Variants in ABI3BP observed in about 807,000 individuals in gnomAD.
ABI3BP encodes the protein target of Nesh-SH3.
A neutral mutation model predicts 268.6 loss-of-function variants in ABI3BP; 216 were observed. That is an observed-to-expected ratio of 0.80 (90% CI 0.72 to 0.90). The LOEUF (loss-of-function observed/expected upper bound fraction) is 0.90, where lower values mean the gene tolerates loss of function less well. Among genes scored for constraint, ABI3BP ranks in the 40% least tolerant of loss-of-function variants. The pLI is 0.00. For synonymous variants in ABI3BP, 730 were observed against 730.0 expected, an observed-to-expected ratio of 1.00 and a Z score of 0.00; for missense variants, 2,090 against 2,182.4, an observed-to-expected ratio of 0.96 and a Z score of 0.84.
chr3:100,982,455 A>T (rs916072392), intron 1 of ABI3BP, among the ~76,000 whole-genome samples: 5 of 152,076 alleles, frequency 3.3e-5, no homozygotes, highest in Non-Finnish European at 7.4e-5. Context: ...TAGAGAAAAA[A>T]ACCCTAATGT....
intron 34 of ABI3BP, among the ~76,000 whole-genome samples, chr3:100,826,472 A>G (rs1254817531): frequency 6.6e-6 from 1 of 152,168 alleles, no homozygotes; most frequent in Admixed American, 6.6e-5. Context: ...TGTTTATCTG[A>G]ATATAATATG....
At chr3:100,932,655 C>T (rs2064085070) in intron 1 of ABI3BP, among the ~76,000 whole-genome samples, 1 of 152,122 alleles carries the variant, frequency 6.6e-6, no homozygotes, top group African/African-American at 2.4e-5. Flanking sequence ...GAGACATCAT[C>T]TCACACCATC....
intron 1 of ABI3BP, among the ~76,000 whole-genome samples, chr3:100,966,956 A>G (rs963446028): frequency 6.6e-6 from 1 of 151,928 alleles, no homozygotes; most frequent in Non-Finnish European, 1.5e-5. Flanking sequence ...TTTTTTTCAA[A>G]CTAAAGATGA....
Position 100,862,363 on chromosome 3 carries a change from AATCCATG to A in ABI3BP, c.1226_1232del (p.Pro409LeufsTer149). The A allele has an allele frequency of 6.2e-7, 1 of 1,601,604 alleles. No homozygotes were observed. Among genetic ancestry groups the A allele is most frequent in the Non-Finnish European group, 8.5e-7 (1 of 1,174,706 alleles). On this transcript the variant is annotated frameshift_variant, in exon 14 of 68. Coordinates refer to ENST00000471714, the MANE Select transcript of ABI3BP (RefSeq NM_001375547.2). LOFTEE classifies it high-confidence loss of function. ...CTTCAGATATTTTAGCTGTAGGCAC[AATCCATG>A]GCTTTTCACTTGAAGCTATATTGAA...
At chr3:100,953,305 C>T (rs1459381392) in intron 1 of ABI3BP, among the ~76,000 whole-genome samples, 1 of 152,132 alleles carries the variant, frequency 6.6e-6, no homozygotes, top group East Asian at 1.9e-4. Context: ...TTTCGTCTGC[C>T]CCTGCTGGAC....
At chr3:100,956,321 A>G (rs1463320393) in intron 1 of ABI3BP, among the ~76,000 whole-genome samples, 1 of 151,440 alleles carries the variant, frequency 6.6e-6, no homozygotes, top group Non-Finnish European at 1.5e-5. Flanking sequence ...TGATTCCCCT[A>G]TTATTCTGAG....
At chr3:100,902,368 A>G (rs566913050) in intron 3 of ABI3BP, among the ~76,000 whole-genome samples, 1 of 152,296 alleles carries the variant, frequency 6.6e-6, no homozygotes, top group South Asian at 2.1e-4. Flanking sequence ...AGAATCCAGG[A>G]GTAGAGAGGT....
At chr3:100,814,821 G>A (rs1005814509) in intron 44 of ABI3BP, among the ~76,000 whole-genome samples, 2 of 152,090 alleles carry the variant, frequency 1.3e-5, no homozygotes, top group African/African-American at 2.4e-5. Flanking sequence ...GTATAAGATC[G>A]ATCCTTTGTT....
intron 1 of ABI3BP, among the ~76,000 whole-genome samples, chr3:100,955,998 C>T (rs568776547): frequency 6.6e-6 from 1 of 151,708 alleles, no homozygotes; most frequent in Non-Finnish European, 1.5e-5. Flanking sequence ...GACCAGCCTG[C>T]CCAACATAGT....
chr3:100,842,515 A>G (rs1269465877), intron 20 of ABI3BP, among the ~76,000 whole-genome samples: 1 of 152,182 alleles, frequency 6.6e-6, no homozygotes, highest in Non-Finnish European at 1.5e-5. Flanking sequence ...ATTGTTCAAA[A>G]GCGACCACAA....
rs955221739 is a variant in ABI3BP, at chr3:100,749,432, A to G, written c.*1063T>C. ...GATTGAAGCATGTTGAAAGGTAAGT[A>G]CAGGGAAAGGTCCTTTCAGAATGAC... On this transcript the variant is annotated 3_prime_UTR_variant, in exon 68 of 68. Coordinates refer to ENST00000471714, the MANE Select transcript of ABI3BP (RefSeq NM_001375547.2). The G allele has an allele frequency of 2.6e-6, 1 of 389,040 alleles. No individual in the cohort carries two copies. Among genetic ancestry groups the G allele is most frequent in the African/African-American group, 2.1e-5 (1 of 48,428 alleles). 24.1% of individuals were successfully genotyped at this position (389,040 alleles called of 1,614,324 possible). A position where few individuals can be genotyped will look rare whatever the true frequency, so the allele number is the denominator to read the frequency against.
At chr3:100,811,883 G>T in intron 46 of ABI3BP, 84 bp from the exon 47 acceptor site, 1 of 986,100 alleles carries the variant, frequency 1.0e-6, no homozygotes, top group Non-Finnish European at 1.5e-6. Context: ...TTTAAAAATA[G>T]AATTGAGCTA....
At chr3:100,921,107 A>T (rs1018809798) in intron 2 of ABI3BP, among the ~76,000 whole-genome samples, 3 of 152,116 alleles carry the variant, frequency 2.0e-5, no homozygotes, top group African/African-American at 7.2e-5. Flanking sequence ...TGAGAAATGC[A>T]CTCCCTTAGA....
At position 100,802,857 on chromosome 3, in the gene ABI3BP, C is replaced by T. The variant is rs1036755225; in HGVS notation, c.3757+1935G>A. Among the ~76,000 whole-genome samples the T allele has an allele frequency of 2.6e-5, 3 of 114,730 alleles. 1 individual carries two copies. Among genetic ancestry groups the T allele is most frequent in the Non-Finnish European group, 4.6e-5 (2 of 43,946 alleles). 75.3% of individuals were successfully genotyped at this position (114,730 alleles called of 152,430 possible). A position where few individuals can be genotyped will look rare whatever the true frequency, so the allele number is the denominator to read the frequency against. On this transcript the variant is annotated intron_variant, in intron 51 of 67. Transcript: ENST00000471714. The stretch of plus-strand genomic sequence containing the variant: ...TACATTAAACTACACATGTCATTTA[C>T]CCTCTGTTTTTTGAAGTATAACCCA...
intron 6 of ABI3BP, among the ~76,000 whole-genome samples, chr3:100,878,942 T>C (rs912111696): frequency 1.6e-4 from 25 of 152,230 alleles, no homozygotes; most frequent in African/African-American, 4.8e-4. Flanking sequence ...TGTGATGTTT[T>C]CATCTAAGTG....
At chr3:100,991,414 G>C (rs1037453284) in intron 1 of ABI3BP, among the ~76,000 whole-genome samples, 3 of 152,120 alleles carry the variant, frequency 2.0e-5, no homozygotes. Flanking sequence ...ATGAGTGTGA[G>C]AAACAAAAAG....
intron 32 of ABI3BP, among the ~76,000 whole-genome samples, chr3:100,830,315 A>G (rs972769791): frequency 2.0e-5 from 3 of 151,594 alleles, no homozygotes; most frequent in Non-Finnish European, 4.4e-5. Flanking sequence ...GTAACAAAGA[A>G]TGTGGTTAAA....
chr3:100,754,473 T>A, intron 64 of ABI3BP, 139 bp downstream of exon 64: 2 of 760,484 alleles, frequency 2.6e-6, no homozygotes, highest in South Asian at 3.7e-5. Context: ...CTTCATCAGT[T>A]TGCTTTTTCC....
Position 100,795,429 on chromosome 3 carries a change from A to G in ABI3BP, c.3865+375T>C, listed in dbSNP as rs138931696. On this transcript the variant is annotated intron_variant, in intron 53 of 67. Coordinates refer to ENST00000471714, the MANE Select transcript of ABI3BP (RefSeq NM_001375547.2). ...ATCACTGGGAATTTTCAGTATTTTG[A>G]CCAATATTGATAATTACTTGCAGTA... Among the ~76,000 whole-genome samples the G allele has an allele frequency of 3.6e-3, 542 of 152,170 alleles. 5 individuals are homozygous for G. Among genetic ancestry groups the G allele is most frequent in the Non-Finnish European group, 5.3e-3 (360 of 67,954 alleles).
Sources: allele counts gnomAD v4.1 joint callset (sites outside exome capture counted in the v4.1 genomes callset), GRCh38; gene constraint gnomAD v4.1.1; transcripts MANE v1.5; gene names NCBI Gene and HGNC (gene_info 2026-07-23, HGNC 2026-07-21).